The following DPP10 variants were observed in gnomAD, a reference collection of about 807,000 sequenced individuals.
DPP10 encodes the protein dipeptidyl peptidase like 10.
DPP10 carries 33 observed loss-of-function variants against 120.9 expected under a neutral mutation model. The ratio of observed to expected loss-of-function variants is 0.27; its 90% CI spans 0.21 to 0.37. The LOEUF (loss-of-function observed/expected upper bound fraction) is 0.37, where lower values mean the gene tolerates loss of function less well. DPP10 is among the 10% of genes least tolerant of loss of function. The pLI, the probability that DPP10 is intolerant of heterozygous loss-of-function variation, is 1.00. For synonymous variants in DPP10, 337 were observed against 326.1 expected, an observed-to-expected ratio of 1.03 and a Z score of -0.36; for missense variants, 816 against 942.8, an observed-to-expected ratio of 0.87 and a Z score of 1.76.
At chr2:115,518,846 G>A (rs1172745426) in intron 4 of DPP10, among the ~76,000 whole-genome samples, 1 of 151,986 alleles carries the variant, frequency 6.6e-6, no homozygotes, top group Non-Finnish European at 1.5e-5. Flanking sequence ...AAATTTTTTA[G>A]GACTTCCATA....
intron 3 of DPP10, among the ~76,000 whole-genome samples, chr2:115,391,703 A>T (rs966473229): frequency 1.4e-4 from 22 of 152,108 alleles, no homozygotes; most frequent in Non-Finnish European, 2.1e-4. Context: ...ATATATAAAT[A>T]ATTTGTCCAA....
chr2:114,834,787 G>T (rs1365270187), intron 1 of DPP10, among the ~76,000 whole-genome samples: 2 of 123,956 alleles, frequency 1.6e-5, no homozygotes, highest in East Asian at 2.5e-4. Flanking sequence ...TATAAGCCAT[G>T]TCTACACACC....
Position 114,952,629 on chromosome 2 carries a change from C to T in DPP10, c.61-356610C>T, listed in dbSNP as rs1014284704. Among the ~76,000 whole-genome samples, 6 of 152,244 alleles carry T rather than the reference C, an allele frequency of 3.9e-5. No homozygotes were observed. In the East Asian group the frequency reaches 1.2e-3, roughly 29 times the overall value. ...GGCCCTAAATATAGTCCTAAGGCTA[C>T]CATATTTTTAGCAGTATTAAGAGCT... is the stretch of plus-strand genomic sequence containing the variant. On this transcript the variant is annotated intron_variant, in intron 1 of 25. Coordinates refer to ENST00000410059, the MANE Select transcript of DPP10 (RefSeq NM_020868.6).
At chr2:114,822,650 G>T (rs2106362824) in intron 1 of DPP10, among the ~76,000 whole-genome samples, 1 of 151,632 alleles carries the variant, frequency 6.6e-6, no homozygotes, top group African/African-American at 2.4e-5. Flanking sequence ...GGGTACATTT[G>T]CACAATGTGC....
intron 1 of DPP10, among the ~76,000 whole-genome samples, chr2:114,445,359 T>C (rs1677879049): frequency 6.6e-6 from 1 of 152,102 alleles, no homozygotes; most frequent in Non-Finnish European, 1.5e-5. Flanking sequence ...CTCCCAAAGC[T>C]CAGTGTAATA....
At chr2:115,000,160 G>T (rs1701347695) in intron 1 of DPP10, among the ~76,000 whole-genome samples, 1 of 151,258 alleles carries the variant, frequency 6.6e-6, no homozygotes, top group Non-Finnish European at 1.5e-5. Flanking sequence ...TTCTACACAA[G>T]AACCAATCTA....
chr2:114,599,183 A>G (rs1692166382), intron 1 of DPP10, among the ~76,000 whole-genome samples: 1 of 151,864 alleles, frequency 6.6e-6, no homozygotes, highest in African/African-American at 2.4e-5. Context: ...AAAAACGAGG[A>G]AGTCAAAAAG....
At chr2:115,430,005 G>T (rs984477167) in intron 3 of DPP10, among the ~76,000 whole-genome samples, 8 of 152,138 alleles carry the variant, frequency 5.3e-5, no homozygotes, top group African/African-American at 1.9e-4. Flanking sequence ...CGTTTTGGAG[G>T]CCTTGGAAAA....
At chr2:114,649,890 CTA>C (rs1296029017) in intron 1 of DPP10, among the ~76,000 whole-genome samples, 1 of 151,820 alleles carries the variant, frequency 6.6e-6, no homozygotes, top group Non-Finnish European at 1.5e-5. Flanking sequence ...TCTGGATTCT[CTA>C]TGTTTTCCAC....
intron 1 of DPP10, among the ~76,000 whole-genome samples, chr2:114,952,632 T>C (rs2104652955): frequency 6.6e-6 from 1 of 152,328 alleles, no homozygotes; most frequent in African/African-American, 2.4e-5. Context: ...AAGGCTACCA[T>C]ATTTTTAGCA....
intron 1 of DPP10, among the ~76,000 whole-genome samples, chr2:114,450,331 A>G (rs892980566): frequency 5.3e-5 from 8 of 152,092 alleles, no homozygotes; most frequent in Admixed American, 4.6e-4. Context: ...ATGTTCTCAT[A>G]TAGTCTTCTG....
intron 1 of DPP10, among the ~76,000 whole-genome samples, chr2:115,134,157 A>T (rs2050527277): frequency 6.6e-6 from 1 of 152,322 alleles, no homozygotes; most frequent in East Asian, 1.9e-4. Context: ...TTTATGAGAC[A>T]TGATAAAGAA....
chr2:115,519,859 T>C (rs897663000), intron 4 of DPP10, among the ~76,000 whole-genome samples: 2 of 152,206 alleles, frequency 1.3e-5, no homozygotes, highest in Admixed American at 1.3e-4. Context: ...TGGTCATTTA[T>C]GGACTGCACT....
At chr2:114,959,185 T>G (rs1698432556) in intron 1 of DPP10, among the ~76,000 whole-genome samples, 2 of 152,150 alleles carry the variant, frequency 1.3e-5, no homozygotes, top group African/African-American at 4.8e-5. Context: ...TAAAACACAG[T>G]TTTATTGTGA....
intron 1 of DPP10, chr2:115,161,899 A>G (rs2052400364): frequency 1.4e-6 from 2 of 1,407,348 alleles, no homozygotes; most frequent in South Asian, 1.4e-5. Context: ...CTGCCAAGTG[A>G]CGGTCCCCGA....
At chr2:115,481,465 TAAGTA>T (rs1488380123) in intron 3 of DPP10, among the ~76,000 whole-genome samples, 2 of 152,146 alleles carry the variant, frequency 1.3e-5, no homozygotes, top group Non-Finnish European at 2.9e-5. Context: ...GGTATTGCAG[TAAGTA>T]GGCTGGACTT....
At chr2:115,456,676 T>A (rs2073571599) in intron 3 of DPP10, among the ~76,000 whole-genome samples, 1 of 152,096 alleles carries the variant, frequency 6.6e-6, no homozygotes, top group Admixed American at 6.5e-5. Flanking sequence ...TGGATGAAGC[T>A]GGAAACCATC....
chr2:115,631,677 TC>T (rs1359546475), intron 5 of DPP10, among the ~76,000 whole-genome samples: 1 of 152,134 alleles, frequency 6.6e-6, no homozygotes. Context: ...TACCCAGGAG[TC>T]ATTCAGGAGC....
At chr2:115,320,596 A>T (rs1357981723) in intron 2 of DPP10, among the ~76,000 whole-genome samples, 1 of 151,922 alleles carries the variant, frequency 6.6e-6, no homozygotes, top group East Asian at 1.9e-4. Context: ...ACATACACAA[A>T]CTGTTTTTAT....
Sources: allele counts gnomAD v4.1 joint callset (sites outside exome capture counted in the v4.1 genomes callset), GRCh38; gene constraint gnomAD v4.1.1; transcripts MANE v1.5; gene names NCBI Gene and HGNC (gene_info 2026-07-23, HGNC 2026-07-21).